MTHFD1L: variants seen among roughly 807,000 people sequenced by gnomAD.
MTHFD1L encodes the protein monofunctional C1-tetrahydrofolate synthase, mitochondrial.
In MTHFD1L, 81 loss-of-function variants were observed where a neutral mutation model predicts 119.5. The ratio of observed to expected loss-of-function variants is 0.68; its 90% confidence interval spans 0.57 to 0.82. The LOEUF (loss-of-function observed/expected upper bound fraction) is 0.82. Ranked by LOEUF, MTHFD1L falls within the 40% of genes least tolerant of loss-of-function variation. The pLI is 0.00. For synonymous variants in MTHFD1L, 430 were observed against 475.2 expected (o/e 0.90, Z 1.24); for missense variants, 1,125 against 1,253.4 (o/e 0.90, Z 1.55).
chr6:151,056,471 T>C (rs1789947770), intron 26 of MTHFD1L, among the ~76,000 whole-genome samples: 1 of 152,208 alleles, frequency 6.6e-6, no homozygotes, highest in Admixed American at 6.5e-5. Flanking sequence ...CAATGATGCC[T>C]GGAGAATTAT....
chr6:150,971,785 C>G (rs1798027898), intron 19 of MTHFD1L, among the ~76,000 whole-genome samples, 162 bp from the exon 20 acceptor site: 1 of 152,040 alleles, frequency 6.6e-6, no homozygotes, highest in South Asian at 2.1e-4. Context: ...GGAATTTGGT[C>G]CTTTGATTGA....
At chr6:150,871,920 C>G (rs941095850) in intron 1 of MTHFD1L, among the ~76,000 whole-genome samples, 1 of 150,332 alleles carries the variant, frequency 6.7e-6, no homozygotes, top group South Asian at 2.1e-4. Flanking sequence ...CTCTTTCACC[C>G]AGGCTGGAGT....
chr6:151,025,269 G>A lies in MTHFD1L; in HGVS notation c.2587-9224G>A, dbSNP rs148064727. On this transcript the variant is annotated intron_variant, in intron 24 of 27. Transcript: ENST00000367321. ...CCCACTGAGCAGGCTCGTGGACGTCGGCACGTAGCTCAGATGTGCTGATTT... is the reference window on the plus strand; with the variant it reads ...CCCACTGAGCAGGCTCGTGGACGTCAGCACGTAGCTCAGATGTGCTGATTT... Among the ~76,000 whole-genome samples the A allele has an allele frequency of 3.4e-3, 525 of 152,298 alleles. 2 individuals carry two copies. Among genetic ancestry groups the A allele is most frequent in the African/African-American group, 0.012 (504 of 41,566 alleles).
At position 151,007,928 on chromosome 6, in the gene MTHFD1L, A is replaced by G. The variant is rs187586544; in HGVS notation, c.2126-1891A>G. ...TTTGTTTGTTCAAATAACACATAAT[A>G]AAGGATAAATGGCTTGTAGCTATAT... On this transcript the variant is annotated intron_variant, in intron 20 of 27. Coordinates refer to ENST00000367321, the MANE Select transcript of MTHFD1L (RefSeq NM_015440.5). 2.6e-5 allele frequency among the ~76,000 whole-genome samples: 4 copies of G among 152,344 alleles called. No homozygotes were observed. The East Asian group carries it at 7.7e-4, about 29-fold the overall frequency.
At chr6:150,878,183 A>T (rs186360608) in intron 4 of MTHFD1L, among the ~76,000 whole-genome samples, 1 of 152,028 alleles carries the variant, frequency 6.6e-6, no homozygotes, top group East Asian at 1.9e-4. Flanking sequence ...TTTTCTTCCT[A>T]CTGGCTTCAT....
chr6:150,948,961 G>T (rs965920671), intron 15 of MTHFD1L, 70 bp from the exon 16 acceptor site: 22 of 1,233,810 alleles, frequency 1.8e-5, no homozygotes, highest in Admixed American at 3.8e-5. Flanking sequence ...AAATTAGAGG[G>T]ATAATTTTGG....
intron 20 of MTHFD1L, among the ~76,000 whole-genome samples, chr6:150,984,156 C>G (rs1043436472): frequency 6.6e-6 from 1 of 152,026 alleles, no homozygotes; most frequent in Non-Finnish European, 1.5e-5. Flanking sequence ...ATGTCTTTAC[C>G]TGGAATACCT....
rs536864868 is a variant in MTHFD1L, at chr6:150,922,253, C to T, written c.1033C>T (p.Arg345Trp). The change falls in exon 10 of 28, where the codon CGG becomes TGG. Residue 345 changes from arginine to tryptophan, a missense_variant. Coordinates refer to ENST00000367321, the MANE Select transcript of MTHFD1L (RefSeq NM_015440.5). ...RRWLREQQHR[R>W]WRLHCLKLQP... ...ATGGCTTCGTGAACAGCAGCACAGG[C>T]GGTGGAGACTTCACTGCTTGAAACT... 19 of 1,613,924 alleles carry T rather than the reference C, an allele frequency of 1.2e-5. No individual in the cohort carries two copies. Among genetic ancestry groups the T allele is most frequent in the Middle Eastern group, 1.6e-4 (1 of 6,082 alleles).
chr6:150,932,936 C>T (rs914922740), intron 11 of MTHFD1L, among the ~76,000 whole-genome samples: 3 of 151,994 alleles, frequency 2.0e-5, no homozygotes, highest in Non-Finnish European at 2.9e-5. Context: ...CCTTGGTGCT[C>T]ATTCTTTCGT....
At chr6:151,007,349 T>C (rs192443011) in intron 20 of MTHFD1L, among the ~76,000 whole-genome samples, 14 of 151,540 alleles carry the variant, frequency 9.2e-5, no homozygotes, top group Admixed American at 2.0e-4. Flanking sequence ...AAGAGTGAGC[T>C]TCTACCAGTG....
chr6:150,880,903 G>A (rs565226248), intron 4 of MTHFD1L, among the ~76,000 whole-genome samples: 74 of 152,252 alleles, frequency 4.9e-4, no homozygotes, highest in African/African-American at 1.8e-3. Context: ...GGAGATGTCT[G>A]TTCACGTCTT....
chr6:150,950,532 T>C (rs1182033376), intron 16 of MTHFD1L, among the ~76,000 whole-genome samples: 2 of 152,172 alleles, frequency 1.3e-5, no homozygotes, highest in Non-Finnish European at 2.9e-5. Flanking sequence ...TTCCTCATCT[T>C]TAAAATGGAA....
chr6:150,961,854 C>T (rs191804597), intron 18 of MTHFD1L, among the ~76,000 whole-genome samples: 6 of 152,328 alleles, frequency 3.9e-5, no homozygotes, highest in Admixed American at 1.3e-4. Flanking sequence ...TCTATCTAAA[C>T]TGACATACTA....
chr6:151,055,220 C>T (rs1789692739), intron 26 of MTHFD1L, among the ~76,000 whole-genome samples: 1 of 151,866 alleles, frequency 6.6e-6, no homozygotes, highest in Admixed American at 6.6e-5. Context: ...GAGCCTAGTT[C>T]GCGCCACTGG....
chr6:151,051,645 A>G (rs146522534), intron 26 of MTHFD1L, among the ~76,000 whole-genome samples: 1 of 152,156 alleles, frequency 6.6e-6, no homozygotes, highest in Non-Finnish European at 1.5e-5. Context: ...ACCTGCTGCC[A>G]TACCCCCCCA....
chr6:151,009,637 G>T (rs1366216943), intron 20 of MTHFD1L, among the ~76,000 whole-genome samples, 182 bp from the exon 21 acceptor site: 1 of 152,162 alleles, frequency 6.6e-6, no homozygotes, highest in South Asian at 2.1e-4. Flanking sequence ...AGAGGAGGGC[G>T]CAGTCTCTTT....
chr6:150,902,999 G>A (rs2128833914), intron 7 of MTHFD1L, among the ~76,000 whole-genome samples: 1 of 152,168 alleles, frequency 6.6e-6, no homozygotes, highest in East Asian at 1.9e-4. Flanking sequence ...TATTTCTCTT[G>A]AGGATTACTG....
At chr6:150,944,964 T>C (rs1164424262) in intron 14 of MTHFD1L, among the ~76,000 whole-genome samples, 2 of 152,248 alleles carry the variant, frequency 1.3e-5, no homozygotes, top group East Asian at 3.8e-4. Context: ...ACTAATGTTA[T>C]GTGGAGCTAT....
chr6:150,969,513 A>C (rs1264193863), intron 19 of MTHFD1L, among the ~76,000 whole-genome samples: 1 of 38,414 alleles, frequency 2.6e-5, no homozygotes, highest in Admixed American at 4.5e-4. Flanking sequence ...ACCCTGCCTC[A>C]AAAAAAAAAA....
Sources: allele counts gnomAD v4.1 joint callset (sites outside exome capture counted in the v4.1 genomes callset), GRCh38; gene constraint gnomAD v4.1.1; transcripts MANE v1.5; gene names NCBI Gene and HGNC (gene_info 2026-07-23, HGNC 2026-07-21).